Variants in SLCO5A1 observed in about 807,000 individuals in gnomAD.
SLCO5A1 encodes the protein organic anion transporter polypeptide-related protein 4.
Under a neutral mutation model 65.1 loss-of-function variants are expected in SLCO5A1, and 39 were observed. The observed-to-expected ratio is 0.60, with a 90% CI of 0.46 to 0.78. SLCO5A1 has a LOEUF of 0.78. Ranked by LOEUF, SLCO5A1 falls within the 30% of genes least tolerant of loss-of-function variation. SLCO5A1 has a pLI of 0.00. For missense variants in SLCO5A1, 1,029 were observed against 1,069.4 expected, an observed-to-expected ratio of 0.96 and a Z score of 0.53; for synonymous variants, 438 against 415.7, an observed-to-expected ratio of 1.05 and a Z score of -0.65.
intron 2 of SLCO5A1, among the ~76,000 whole-genome samples, chr8:69,823,708 A>T (rs13261823): frequency 0.18 from 26,702 of 152,076 alleles, 2,417 homozygotes; most frequent in East Asian, 0.25. Flanking sequence ...TCAACATTAG[A>T]CAGATCAACG....
rs935356150 is a variant in SLCO5A1, at chr8:69,755,353, G to A, written c.1258+71C>T. The A allele has an allele frequency of 2.3e-6, 3 of 1,299,164 alleles. No individual in the cohort carries two copies. In the African/African-American group the frequency reaches 4.4e-5, roughly 19 times the overall value. 80.5% of individuals were successfully genotyped at this position (1,299,164 alleles called of 1,614,324 possible). A position where few individuals can be genotyped will look rare whatever the true frequency, so the allele number is the denominator to read the frequency against. Reference sequence around the variant, plus strand: ...CACAGACAGTGGGTAGACAGCATGGGCCTGGGACCACACTATGAGTAGCAC... The same window carrying A: ...CACAGACAGTGGGTAGACAGCATGGACCTGGGACCACACTATGAGTAGCAC... On this transcript the variant is annotated intron_variant, in intron 4 of 9. Transcript: ENST00000260126.
chr8:69,804,866 C>T (rs1746817662), intron 2 of SLCO5A1, among the ~76,000 whole-genome samples: 7 of 152,164 alleles, frequency 4.6e-5, no homozygotes, highest in Admixed American at 4.6e-4. Flanking sequence ...TCGTGAGTTT[C>T]TCACCCAACC....
intron 2 of SLCO5A1, among the ~76,000 whole-genome samples, chr8:69,822,319 G>A (rs1292710974): frequency 6.6e-6 from 1 of 151,976 alleles, no homozygotes; most frequent in African/African-American, 2.4e-5. Flanking sequence ...TCTTATACTA[G>A]GTGCAAATAT....
chr8:69,819,746 G>A (rs1820558644), intron 2 of SLCO5A1, among the ~76,000 whole-genome samples: 1 of 152,140 alleles, frequency 6.6e-6, no homozygotes, highest in African/African-American at 2.4e-5. Context: ...CAGATCACCT[G>A]AGGTCAGGTG....
intron 3 of SLCO5A1, among the ~76,000 whole-genome samples, chr8:69,759,798 A>T (rs1477732289): frequency 6.6e-6 from 1 of 152,138 alleles, no homozygotes; most frequent in Non-Finnish European, 1.5e-5. Flanking sequence ...GGCATGCGCC[A>T]CCACACTCGG....
chr8:69,682,364 A>G (rs796356710), intron 6 of SLCO5A1, 21 bp from the exon 7 acceptor site: 1 of 1,533,210 alleles, frequency 6.5e-7, no homozygotes, highest in South Asian at 1.3e-5. Context: ...AGAGAAGCAG[A>G]TCATGAGCAA....
intron 9 of SLCO5A1, among the ~76,000 whole-genome samples, chr8:69,674,924 C>T (rs563220474): frequency 6.6e-6 from 1 of 151,168 alleles, no homozygotes; most frequent in South Asian, 2.1e-4. Context: ...CCTGTAATCC[C>T]ACTTACTTGG....
intron 2 of SLCO5A1, among the ~76,000 whole-genome samples, chr8:69,824,310 AC>A (rs1248155695): frequency 6.6e-6 from 1 of 152,148 alleles, no homozygotes; most frequent in East Asian, 1.9e-4. Context: ...GACACAAAAA[AC>A]CCTTCAAAAA....
chr8:69,732,893 A>G (rs1481320855), intron 5 of SLCO5A1, among the ~76,000 whole-genome samples: 1 of 152,200 alleles, frequency 6.6e-6, no homozygotes, highest in Admixed American at 6.5e-5. Flanking sequence ...GTCTAAAAAA[A>G]AAAAAATCAC....
intron 2 of SLCO5A1, among the ~76,000 whole-genome samples, chr8:69,822,219 A>G (rs918123802): frequency 2.6e-5 from 4 of 152,244 alleles, no homozygotes; most frequent in Admixed American, 2.6e-4. Flanking sequence ...TTCACCATAC[A>G]TTCCGCCACA....
At position 69,813,600 on chromosome 8, in the gene SLCO5A1, G is replaced by T. The variant is rs574893560; in HGVS notation, c.907+18167C>A. On this transcript the variant is annotated intron_variant, in intron 2 of 9. Coordinates refer to ENST00000260126, the MANE Select transcript of SLCO5A1 (RefSeq NM_030958.3). ...GCAAAAGGACTACCTAACTCCCCAG[G>T]GACAGCTGTCCTACGACATCTCTCA... 6.6e-4 allele frequency among the ~76,000 whole-genome samples: 100 copies of T among 152,226 alleles called. 1 individual carries two copies. The highest frequency in any genetic ancestry group is 2.4e-3 in the African/African-American group (98 of 41,544).
At chr8:69,727,114 GC>G (rs1816117731) in intron 5 of SLCO5A1, among the ~76,000 whole-genome samples, 1 of 152,282 alleles carries the variant, frequency 6.6e-6, no homozygotes, top group South Asian at 2.1e-4. Flanking sequence ...AGACTGTGAG[GC>G]CTTGAAGGTG....
chr8:69,706,277 T>C (rs1275855343), intron 5 of SLCO5A1, among the ~76,000 whole-genome samples: 2 of 152,222 alleles, frequency 1.3e-5, no homozygotes, highest in East Asian at 3.9e-4. Flanking sequence ...AGTACAACTA[T>C]GAAGAAAACC....
chr8:69,714,048 C>T (rs542396939), intron 5 of SLCO5A1, among the ~76,000 whole-genome samples: 1 of 152,318 alleles, frequency 6.6e-6, no homozygotes, highest in Admixed American at 6.5e-5. Context: ...GAAGAGACAG[C>T]GCGATAAGTA....
chr8:69,828,276 T>TA (rs57458834), intron 2 of SLCO5A1, among the ~76,000 whole-genome samples: 381 of 131,756 alleles, frequency 2.9e-3, no homozygotes, highest in East Asian at 0.012. Flanking sequence ...TTTTTTTTTT[T>TA]AAAAAAAAAG....
chr8:69,706,979 C>T (rs1814999528), intron 5 of SLCO5A1, among the ~76,000 whole-genome samples: 1 of 152,034 alleles, frequency 6.6e-6, no homozygotes, highest in Non-Finnish European at 1.5e-5. Flanking sequence ...AAAACCATGT[C>T]TCTATTAAAA....
At chr8:69,727,413 C>A (rs1375689747) in intron 5 of SLCO5A1, among the ~76,000 whole-genome samples, 1 of 152,218 alleles carries the variant, frequency 6.6e-6, no homozygotes, top group African/African-American at 2.4e-5. Flanking sequence ...TAAGCAGCTT[C>A]TCTGAGTTAC....
intron 4 of SLCO5A1, among the ~76,000 whole-genome samples, chr8:69,739,876 C>T (rs761806436): frequency 6.6e-6 from 1 of 152,076 alleles, no homozygotes; most frequent in Non-Finnish European, 1.5e-5. Context: ...GATTACCTAT[C>T]AACATTTAAA....
intron 2 of SLCO5A1, among the ~76,000 whole-genome samples, chr8:69,775,024 T>G (rs1308778028): frequency 6.6e-6 from 1 of 152,226 alleles, no homozygotes; most frequent in Non-Finnish European, 1.5e-5. Context: ...AGCAATTTTT[T>G]TTTTATTTTA....
Sources: gnomAD v4.1 joint callset for allele counts (sites outside exome capture counted in the v4.1 genomes callset) on GRCh38, gnomAD v4.1.1 for gene constraint, MANE v1.5 for transcripts, NCBI Gene and HGNC (gene_info 2026-07-23, HGNC 2026-07-21) for gene names.